Variants in BIRC6 observed in about 807,000 individuals in gnomAD.
BIRC6 encodes dual E2 ubiquitin-conjugating enzyme/E3 ubiquitin-protein ligase BIRC6.
BIRC6 carries 98 observed loss-of-function variants against 503.3 expected under a neutral mutation model. The observed-to-expected ratio is 0.19, with a 90% CI of 0.17 to 0.23. The LOEUF is 0.23. Ranked by LOEUF, BIRC6 falls within the 10% of genes least tolerant of loss-of-function variation. The probability of loss-of-function intolerance (pLI) is 1.00; values close to 1 mark genes in which losing one functional copy is unlikely to be tolerated. For synonymous variants in BIRC6, 2,240 were observed against 2,078.7 expected (o/e 1.08, Z -2.11); for missense variants, 5,360 against 5,806.0 (o/e 0.92, Z 2.50).
chr2:32,488,788 C>A, intron 42 of BIRC6, 74 bp downstream of exon 42: 2 of 1,077,022 alleles, frequency 1.9e-6, no homozygotes, highest in Non-Finnish European at 2.5e-6. Context: ...TTAAAATATA[C>A]CTAATCTTTG....
intron 10 of BIRC6, among the ~76,000 whole-genome samples, chr2:32,420,362 T>C (rs1280126380): frequency 1.3e-5 from 2 of 152,162 alleles, no homozygotes; most frequent in Non-Finnish European, 2.9e-5. Flanking sequence ...AGTGGGAAGA[T>C]TTTGAATATA....
At position 32,415,625 on chromosome 2, in the gene BIRC6, T is replaced by C; in HGVS notation, c.2334T>C (p.Asn778=). 2 of 1,614,002 alleles carry C rather than the reference T, an allele frequency of 1.2e-6. No homozygotes were observed. Among genetic ancestry groups the C allele is most frequent in the Non-Finnish European group, 1.7e-6 (2 of 1,179,888 alleles). The change falls in exon 10 of 74, where the codon AAT becomes AAC. Residue 778 remains asparagine, a synonymous_variant. Coordinates refer to ENST00000421745, the MANE Select transcript of BIRC6 (RefSeq NM_016252.4). Reference sequence around the variant, plus strand: ...ATAAATTAAACTCTGCACTATGTAATAGACGGAAAGGTGAGCTGGAATCAA... The same window carrying C: ...ATAAATTAAACTCTGCACTATGTAACAGACGGAAAGGTGAGCTGGAATCAA... ...NLNKLNSALC[N]RRKGELESNL...
intron 66 of BIRC6, among the ~76,000 whole-genome samples, chr2:32,584,536 A>C (rs2060900754): frequency 6.6e-6 from 1 of 152,184 alleles, no homozygotes; most frequent in Non-Finnish European, 1.5e-5. Context: ...CCGTCTCAAA[A>C]ATAAATAAAT....
rs2045399898 is a variant in BIRC6, at chr2:32,441,231, C to T, written c.3811-98C>T. The T allele has an allele frequency of 1.1e-5, 10 of 886,784 alleles. No individual in the cohort carries two copies. The South Asian group carries it at 2.1e-4, about 18-fold the overall frequency. The allele number at this position is 886,784 out of a possible 1,614,324, so 54.9% of individuals were successfully genotyped here. A position where few individuals can be genotyped will look rare whatever the true frequency, so the allele number is the denominator to read the frequency against. ...TAACTTGAGATTTATATTTTGATGG[C>T]CACAATTCAGTTATTTTCCTTTATT... On this transcript the variant is annotated intron_variant, in intron 16 of 73. Transcript: ENST00000421745.
Position 32,395,611 on chromosome 2 carries a change from T to C in BIRC6, c.1034+18T>C, listed in dbSNP as rs2039783239. The C allele has an allele frequency of 1.3e-6, 2 of 1,577,590 alleles. No homozygotes were observed. Among genetic ancestry groups the C allele is most frequent in the East Asian group, 4.5e-5 (2 of 44,668 alleles). ...GAACCTTGGTGAGTCTTGATGTTTC[T>C]GGGCATAATAGGCTAAGTCAGTCGT... On this transcript the variant is annotated intron_variant, in intron 6 of 73. Transcript: ENST00000421745.
intron 10 of BIRC6, among the ~76,000 whole-genome samples, chr2:32,419,328 G>C (rs140022342): frequency 6.6e-6 from 1 of 152,006 alleles, no homozygotes; most frequent in African/African-American, 2.4e-5. Context: ...TAAATCTATA[G>C]TTAATATATG....
intron 65 of BIRC6, among the ~76,000 whole-genome samples, chr2:32,568,322 C>A (rs1193726630): frequency 7.3e-5 from 11 of 150,502 alleles, no homozygotes; most frequent in African/African-American, 2.4e-4. Context: ...GAAACCCCAA[C>A]TCTACGAAAA....
Position 32,475,844 on chromosome 2 carries a change from T to C in BIRC6, c.6721-369T>C, listed in dbSNP as rs1024145424. On this transcript the variant is annotated intron_variant, in intron 33 of 73. Coordinates refer to ENST00000421745, the MANE Select transcript of BIRC6 (RefSeq NM_016252.4). Reference sequence around the variant, plus strand: ...CCAAAATGTGTACTACTCTTGAGATTTCCATAAAAACAAAGCTAAGAAATA... The same window carrying C: ...CCAAAATGTGTACTACTCTTGAGATCTCCATAAAAACAAAGCTAAGAAATA... 3.5e-4 allele frequency among the ~76,000 whole-genome samples: 54 copies of C among 152,122 alleles called. 1 individual carries two copies. Among genetic ancestry groups the C allele is most frequent in the African/African-American group, 1.3e-3 (52 of 41,452 alleles).
intron 13 of BIRC6, 79 bp from the exon 14 acceptor site, chr2:32,435,416 TA>T: frequency 7.3e-7 from 1 of 1,364,666 alleles, no homozygotes; most frequent in Non-Finnish European, 9.6e-7. Context: ...TCATTGATAT[TA>T]AAGAAAATTA....
intron 66 of BIRC6, among the ~76,000 whole-genome samples, chr2:32,589,731 G>A (rs976528312): frequency 6.6e-6 from 1 of 152,026 alleles, no homozygotes; most frequent in Non-Finnish European, 1.5e-5. Context: ...GGCTCAGTTG[G>A]GTTGTCCCCT....
intron 33 of BIRC6, among the ~76,000 whole-genome samples, chr2:32,474,178 A>T (rs917696411): frequency 6.6e-5 from 10 of 152,018 alleles, no homozygotes; most frequent in African/African-American, 1.7e-4. Flanking sequence ...TATTTAAAAA[A>T]TTTTTTGATT....
At chr2:32,563,467 T>C (rs2059333343) in intron 65 of BIRC6, 1 of 152,188 alleles carries the variant, frequency 6.6e-6, no homozygotes, top group African/African-American at 2.4e-5. Context: ...GATTGTACAT[T>C]CAAGTCTTAT....
At chr2:32,530,472 A>G (rs887354710) in intron 60 of BIRC6, among the ~76,000 whole-genome samples, 2 of 152,152 alleles carry the variant, frequency 1.3e-5, no homozygotes, top group Admixed American at 1.3e-4. Context: ...CGGCCTCACA[A>G]AGTGCTGGGA....
At chr2:32,518,653 T>A (rs189057078) in intron 56 of BIRC6, among the ~76,000 whole-genome samples, 164 bp from the exon 57 acceptor site, 1 of 152,344 alleles carries the variant, frequency 6.6e-6, no homozygotes, top group Non-Finnish European at 1.5e-5. Flanking sequence ...AGAGTGATAA[T>A]GCAAAAGTTG....
At chr2:32,367,404 A>C (rs1033813472) in intron 1 of BIRC6, among the ~76,000 whole-genome samples, 1 of 151,460 alleles carries the variant, frequency 6.6e-6, no homozygotes, top group African/African-American at 2.4e-5. Flanking sequence ...AGAGGTTTGC[A>C]CTGAGCTGAG....
At chr2:32,418,477 A>G (rs1326405851) in intron 10 of BIRC6, among the ~76,000 whole-genome samples, 1 of 152,196 alleles carries the variant, frequency 6.6e-6, no homozygotes, top group Non-Finnish European at 1.5e-5. Context: ...AGCACTTTAA[A>G]TGGCATTATA....
chr2:32,423,802 G>C (rs2043191179), intron 10 of BIRC6, among the ~76,000 whole-genome samples: 1 of 152,088 alleles, frequency 6.6e-6, no homozygotes, highest in African/African-American at 2.4e-5. Context: ...ATTCTGAGTA[G>C]TGTGATAAAA....
chr2:32,528,458 A>G (rs2056464101), intron 59 of BIRC6: 1 of 152,234 alleles, frequency 6.6e-6, no homozygotes, highest in Admixed American at 6.6e-5. Context: ...TTCTGGCCTT[A>G]GGTGATCCAC....
At chr2:32,401,093 G>T in intron 6 of BIRC6, 70 bp from the exon 7 acceptor site, 1 of 1,309,092 alleles carries the variant, frequency 7.6e-7, no homozygotes, top group South Asian at 1.3e-5. Flanking sequence ...TGATCCTGGA[G>T]TTCTGTTTTA....
Sources: gnomAD v4.1 joint callset for allele counts (sites outside exome capture counted in the v4.1 genomes callset) on GRCh38, gnomAD v4.1.1 for gene constraint, MANE v1.5 for transcripts, NCBI Gene and HGNC (gene_info 2026-07-23, HGNC 2026-07-21) for gene names.